The following TENM2 variants were observed in gnomAD, a reference collection of about 807,000 sequenced individuals.
TENM2 encodes the protein teneurin-2.
TENM2 carries 52 observed loss-of-function variants against 245.2 expected under a neutral mutation model. The observed-to-expected ratio is 0.21, with a 90% CI of 0.17 to 0.27. TENM2 has a LOEUF of 0.27. Among genes scored for constraint, TENM2 ranks in the 10% least tolerant of loss-of-function variants. TENM2 has a pLI of 1.00. For missense variants in TENM2, 3,046 were observed against 3,666.8 expected, an observed-to-expected ratio of 0.83 and a Z score of 4.37; for synonymous variants, 1,363 against 1,438.9, an observed-to-expected ratio of 0.95 and a Z score of 1.19.
At chr5:167,017,440 A>G in the TENM2 span, among the ~76,000 whole-genome samples, 49,465 of 152,148 alleles carry the variant, frequency 0.33, 9,596 homozygotes, top group Non-Finnish European at 0.45. Flanking sequence ...TGTCCCAAAT[A>G]ACTGCTCAAC....
intron 2 of TENM2, among the ~76,000 whole-genome samples, chr5:167,445,400 T>G (rs1582068160): frequency 7.3e-6 from 1 of 136,956 alleles, no homozygotes; most frequent in African/African-American, 2.9e-5. Context: ...GTTGGGCAGG[T>G]AGATTGGAGA....
intron 3 of TENM2, among the ~76,000 whole-genome samples, chr5:167,907,299 A>C (rs994909882): frequency 1.4e-4 from 21 of 151,522 alleles, no homozygotes; most frequent in Non-Finnish European, 2.9e-4. Flanking sequence ...TTAAAAGAGT[A>C]CAAGTTTGAA....
At chr5:167,146,581 G>T in the TENM2 span, among the ~76,000 whole-genome samples, 1 of 152,138 alleles carries the variant, frequency 6.6e-6, no homozygotes, top group Admixed American at 6.5e-5. Flanking sequence ...TGAATGAGGG[G>T]AACGATCCAA....
At chr5:167,118,273 G>C in the TENM2 span, among the ~76,000 whole-genome samples, 5 of 152,178 alleles carry the variant, frequency 3.3e-5, no homozygotes, top group Non-Finnish European at 7.3e-5. Context: ...AACTGACAGA[G>C]GAGAGAGAGA....
the TENM2 span, among the ~76,000 whole-genome samples, chr5:167,268,898 A>ATAGATAGT: frequency 6.6e-6 from 1 of 150,728 alleles, no homozygotes; most frequent in African/African-American, 2.4e-5. Flanking sequence ...AGATAGATAG[A>ATAGATAGT]TAGATAGATA....
chr5:167,478,412 G>T (rs1295653979), intron 2 of TENM2, among the ~76,000 whole-genome samples: 2 of 152,160 alleles, frequency 1.3e-5, no homozygotes, highest in Non-Finnish European at 2.9e-5. Flanking sequence ...TTTTAATGAT[G>T]CTGGAAATGT....
chr5:167,893,189 G>C (rs1774902463), intron 3 of TENM2, among the ~76,000 whole-genome samples: 2 of 152,154 alleles, frequency 1.3e-5, no homozygotes, highest in African/African-American at 4.8e-5. Flanking sequence ...ATTTCAGACA[G>C]GATGGTAACT....
At chr5:168,151,517 C>T (rs762025020) in intron 12 of TENM2, among the ~76,000 whole-genome samples, 1 of 152,186 alleles carries the variant, frequency 6.6e-6, no homozygotes, top group Non-Finnish European at 1.5e-5. Context: ...ATCATGGATT[C>T]TCTCATTTAA....
intron 1 of TENM2, among the ~76,000 whole-genome samples, chr5:167,334,622 C>A (rs1370299578): frequency 6.6e-6 from 1 of 151,400 alleles, no homozygotes; most frequent in African/African-American, 2.4e-5. Context: ...TTCCTTTTTT[C>A]TTTTGTTCTC....
At chr5:167,452,931 T>TTTTATATATATATATATATA (rs1264260420) in intron 2 of TENM2, among the ~76,000 whole-genome samples, 1 of 4,886 alleles carries the variant, frequency 2.0e-4, no homozygotes, top group African/African-American at 3.6e-4. Flanking sequence ...AAAGTATGAT[T>TTTTATATATATATATATATA]TATATATATA....
intron 23 of TENM2, among the ~76,000 whole-genome samples, chr5:168,220,849 T>C (rs1763608988): frequency 6.6e-6 from 1 of 152,168 alleles, no homozygotes. Context: ...TGATGCCTCA[T>C]GCCTGTAATT....
At position 168,262,663 on chromosome 5, in the gene TENM2, T is replaced by C. The variant is rs902515846; in HGVS notation, c.8178T>C (p.Thr2726=). 20 of 1,607,838 alleles carry C rather than the reference T, an allele frequency of 1.2e-5. No individual in the cohort carries two copies. The African/African-American group carries it at 2.7e-4, about 21-fold the overall frequency. ...GGAGAGAGGGGAGCCGCCTGTGGAC[T>C]GAGGGCGAGAAGCAGCAGCTTCTGA... is the stretch of plus-strand genomic sequence containing the variant. The change falls in exon 29 of 29, where the codon ACT becomes ACC. Residue 2726 remains threonine (T), a synonymous_variant. Coordinates refer to ENST00000518659, the Ensembl canonical transcript of TENM2.
chr5:167,077,566 A>C, the TENM2 span, among the ~76,000 whole-genome samples: 1 of 152,200 alleles, frequency 6.6e-6, no homozygotes, highest in African/African-American at 2.4e-5. Flanking sequence ...CATTATCATA[A>C]AGAATATGAT....
the TENM2 span, among the ~76,000 whole-genome samples, chr5:167,097,611 G>A: frequency 2.0e-5 from 3 of 152,098 alleles, no homozygotes; most frequent in African/African-American, 4.8e-5. Context: ...TTCTATGTAC[G>A]TTAACATCCA....
chr5:167,059,790 G>A, the TENM2 span, among the ~76,000 whole-genome samples: 105 of 148,296 alleles, frequency 7.1e-4, 1 homozygote, highest in African/African-American at 2.5e-3. Context: ...TGCAACCTCC[G>A]CCTCCCAGGT....
chr5:168,149,722 C>A (rs76367642), intron 12 of TENM2, among the ~76,000 whole-genome samples: 4 of 152,110 alleles, frequency 2.6e-5, no homozygotes, highest in Non-Finnish European at 5.9e-5. Context: ...CAGATCAGGC[C>A]ACTCCTCTGC....
the TENM2 span, among the ~76,000 whole-genome samples, chr5:167,162,213 A>T: frequency 2.0e-5 from 3 of 151,884 alleles, no homozygotes; most frequent in Non-Finnish European, 4.4e-5. Flanking sequence ...ACCTCTTCTC[A>T]TGGAAGAACT....
Position 167,537,296 on chromosome 5 carries a change from T to G in TENM2, c.502+161823T>G, listed in dbSNP as rs536705316. On this transcript the variant is annotated intron_variant, in intron 2 of 28. Transcript: ENST00000518659. ...CAGTTGGTTTTTTCAGCTAGATTTT[T>G]TCATCTGCAAAGCTAAGAGAACAAT... Among the ~76,000 whole-genome samples, 6 of 151,934 alleles carry G rather than the reference T, an allele frequency of 3.9e-5. No individual in the cohort carries two copies. In the East Asian group the frequency reaches 1.2e-3, roughly 29 times the overall value.
At chr5:167,998,370 AGT>A (rs1184133696) in intron 5 of TENM2, among the ~76,000 whole-genome samples, 1 of 152,212 alleles carries the variant, frequency 6.6e-6, no homozygotes, top group Non-Finnish European at 1.5e-5. Flanking sequence ...GAATAGATCT[AGT>A]TTCCTTAAAA....
Sources: gnomAD v4.1 joint callset for allele counts (sites outside exome capture counted in the v4.1 genomes callset) on GRCh38, gnomAD v4.1.1 for gene constraint, MANE v1.5 for transcripts, NCBI Gene and HGNC (gene_info 2026-07-23, HGNC 2026-07-21) for gene names.